The following DRC11 variants were observed in gnomAD, a reference collection of about 807,000 sequenced individuals.
The protein encoded by DRC11 is dynein regulatory complex subunit 11.
the DRC11 span, among the ~76,000 whole-genome samples, chr2:236,388,209 G>C: frequency 1.3e-5 from 2 of 152,004 alleles, no homozygotes; most frequent in East Asian, 3.9e-4. Context: ...ACGTTGACCT[G>C]CCTTGCTAGA....
chr2:236,361,246 T>TA, the DRC11 span, among the ~76,000 whole-genome samples: 1 of 151,872 alleles, frequency 6.6e-6, no homozygotes, highest in Non-Finnish European at 1.5e-5. The surrounding 1 kb of genome is among the most constrained non-coding windows in gnomAD (Gnocchi z 5.7). Context: ...AGATCAGAAA[T>TA]AAAAAATAAG....
At chr2:236,326,062 T>C in the DRC11 span, among the ~76,000 whole-genome samples, 1 of 152,224 alleles carries the variant, frequency 6.6e-6, no homozygotes, top group Non-Finnish European at 1.5e-5. Context: ...ATTTCCCAAT[T>C]GTTTCTTTGT....
chr2:236,373,396 G>A, the DRC11 span, among the ~76,000 whole-genome samples: 1 of 151,946 alleles, frequency 6.6e-6, no homozygotes, highest in Non-Finnish European at 1.5e-5. Flanking sequence ...GATTACAGGT[G>A]TGTGCCATCA....
the DRC11 span, among the ~76,000 whole-genome samples, chr2:236,312,506 C>G: frequency 6.6e-6 from 1 of 152,012 alleles, no homozygotes; most frequent in Admixed American, 6.6e-5. Flanking sequence ...ATAATGATAA[C>G]TATATTTCAT....
chr2:236,327,030 T>C, the DRC11 span, among the ~76,000 whole-genome samples: 2 of 152,052 alleles, frequency 1.3e-5, no homozygotes, highest in East Asian at 3.9e-4. Context: ...AAGATTCATT[T>C]TGAATGGGAA....
At chr2:236,481,744 G>A in the DRC11 span, among the ~76,000 whole-genome samples, 4,818 of 151,906 alleles carry the variant, frequency 0.032, 236 homozygotes, top group East Asian at 0.18. Context: ...CAGACTTTGT[G>A]TATTTTCTTT....
the DRC11 span, among the ~76,000 whole-genome samples, chr2:236,416,734 TA>T: frequency 5.9e-3 from 290 of 49,158 alleles, 4 homozygotes; most frequent in African/African-American, 0.021. Flanking sequence ...TATATATATA[TA>T]TATATATATA....
the DRC11 span, among the ~76,000 whole-genome samples, chr2:236,328,342 CGA>C: frequency 2.0e-5 from 3 of 151,988 alleles, no homozygotes. The surrounding 1 kb of genome is among the most constrained non-coding windows in gnomAD (Gnocchi z 6.7). Context: ...TATTTCAACT[CGA>C]GATTCTGGGA....
chr2:236,359,948 T>G, the DRC11 span, among the ~76,000 whole-genome samples: 2 of 152,292 alleles, frequency 1.3e-5, no homozygotes, highest in African/African-American at 2.4e-5. The surrounding 1 kb of genome is among the most constrained non-coding windows in gnomAD (Gnocchi z 4.3). Flanking sequence ...CTCCACATTT[T>G]AATAATTTTT....
At chr2:236,438,377 G>C in the DRC11 span, among the ~76,000 whole-genome samples, 9 of 146,958 alleles carry the variant, frequency 6.1e-5, no homozygotes, top group Non-Finnish European at 1.0e-4. Flanking sequence ...CAGGTAGCGT[G>C]ATGCCTCCAG....
At chr2:236,455,874 T>C in the DRC11 span, among the ~76,000 whole-genome samples, 5 of 152,148 alleles carry the variant, frequency 3.3e-5, no homozygotes, top group Non-Finnish European at 7.3e-5. This position sits in a 1 kb window ranked among gnomAD's most constrained non-coding sequence, Gnocchi z 5.7. Flanking sequence ...CTCAAGCACA[T>C]TGCGTGCTGT....
chr2:236,336,892 A>G, the DRC11 span, among the ~76,000 whole-genome samples: 1 of 152,136 alleles, frequency 6.6e-6, no homozygotes, highest in Non-Finnish European at 1.5e-5. The surrounding 1 kb of genome is among the most constrained non-coding windows in gnomAD (Gnocchi z 7.3). Flanking sequence ...TTGACCACAG[A>G]GGGTGGTGAT....
chr2:236,452,479 C>T, the DRC11 span, among the ~76,000 whole-genome samples: 21 of 152,180 alleles, frequency 1.4e-4, no homozygotes, highest in Admixed American at 2.0e-4. This position sits in a 1 kb window ranked among gnomAD's most constrained non-coding sequence, Gnocchi z 4.7. Context: ...ATTTTTCCTG[C>T]GTTCTAAAGA....
the DRC11 span, among the ~76,000 whole-genome samples, chr2:236,501,787 T>A: frequency 6.6e-6 from 1 of 152,190 alleles, no homozygotes; most frequent in African/African-American, 2.4e-5. Context: ...GGCCCAAACC[T>A]GCCAGGACAA....
At chr2:236,478,520 A>T in the DRC11 span, among the ~76,000 whole-genome samples, 1 of 152,180 alleles carries the variant, frequency 6.6e-6, no homozygotes, top group Non-Finnish European at 1.5e-5. The surrounding 1 kb of genome is among the most constrained non-coding windows in gnomAD (Gnocchi z 5.9). Context: ...GCAGTTGGGT[A>T]AAATATTCTG....
chr2:236,357,089 T>TATATATTCGTATATTATATATCAATATA, the DRC11 span, among the ~76,000 whole-genome samples: 1 of 56,994 alleles, frequency 1.8e-5, no homozygotes, highest in African/African-American at 7.6e-5. Context: ...ATCTATATAT[T>TATATATTCGTATATTATATATCAATATA]TTATATATTC....
the DRC11 span, chr2:236,440,981 A>T: frequency 2.3e-5 from 24 of 1,045,464 alleles, no homozygotes; most frequent in Non-Finnish European, 1.4e-6. Context: ...CATTAATTTT[A>T]AAGTTTAAAG....
At chr2:236,505,377 T>G in the DRC11 span, among the ~76,000 whole-genome samples, 1 of 152,200 alleles carries the variant, frequency 6.6e-6, no homozygotes, top group African/African-American at 2.4e-5. Flanking sequence ...TCTTCCAATC[T>G]TAACTAGTTT....
chr2:236,360,576 G>C, the DRC11 span, among the ~76,000 whole-genome samples: 3 of 152,274 alleles, frequency 2.0e-5, no homozygotes, highest in Non-Finnish European at 1.5e-5. The surrounding 1 kb of genome is among the most constrained non-coding windows in gnomAD (Gnocchi z 5.8). Context: ...CTTACAACTT[G>C]GTAGTTAAGC....
Sources: gnomAD v4.1 joint callset for allele counts (sites outside exome capture counted in the v4.1 genomes callset) on GRCh38, gnomAD v4.1.1 for gene constraint, Gnocchi (gnomAD v3.1) non-coding constraint, MANE v1.5 for transcripts, NCBI Gene and HGNC (gene_info 2026-07-23, HGNC 2026-07-21) for gene names.